Variants in CNTNAP2 observed in about 807,000 individuals in gnomAD.
The protein encoded by CNTNAP2 is contactin-associated protein-like 2.
In CNTNAP2, 98 loss-of-function variants were observed where a neutral mutation model predicts 155.2. The ratio of observed to expected loss-of-function variants is 0.63; its 90% CI spans 0.54 to 0.75. The LOEUF (loss-of-function observed/expected upper bound fraction) is 0.75, where lower values mean the gene tolerates loss of function less well. Ranked by LOEUF, CNTNAP2 falls within the 30% of genes least tolerant of loss-of-function variation. The pLI is 0.00. For missense variants in CNTNAP2, 1,727 were observed against 1,688.1 expected (o/e 1.02, Z -0.40); for synonymous variants, 651 against 631.2 (o/e 1.03, Z -0.47).
chr7:147,196,855 G>T (rs1438308400), intron 8 of CNTNAP2, among the ~76,000 whole-genome samples: 2 of 152,094 alleles, frequency 1.3e-5, no homozygotes, highest in African/African-American at 4.8e-5. Context: ...ACTTGGTGGA[G>T]GGTAAAACAC....
chr7:147,746,400 G>A (rs12113689), intron 13 of CNTNAP2, among the ~76,000 whole-genome samples: 11,492 of 152,160 alleles, frequency 0.076, 461 homozygotes, highest in African/African-American at 0.11. Flanking sequence ...CTGAAGGAAC[G>A]AATGAATCAC....
At chr7:147,430,885 A>C (rs1797454128) in intron 10 of CNTNAP2, among the ~76,000 whole-genome samples, 1 of 152,056 alleles carries the variant, frequency 6.6e-6, no homozygotes, top group Non-Finnish European at 1.5e-5. Flanking sequence ...TAACACAGTG[A>C]GACACCGTCT....
chr7:147,401,795 T>C (rs1252444641), intron 10 of CNTNAP2, among the ~76,000 whole-genome samples: 2 of 152,182 alleles, frequency 1.3e-5, no homozygotes, highest in African/African-American at 4.8e-5. Flanking sequence ...CCATGTAAGA[T>C]GTGCCTTGCT....
intron 12 of CNTNAP2, among the ~76,000 whole-genome samples, chr7:147,595,761 C>CA (rs1475942849): frequency 2.6e-5 from 4 of 152,172 alleles, no homozygotes; most frequent in African/African-American, 9.7e-5. Flanking sequence ...AGACCCTCCT[C>CA]AGAAATCGTA....
At chr7:146,484,441 C>A (rs1026611086) in intron 1 of CNTNAP2, among the ~76,000 whole-genome samples, 3 of 152,162 alleles carry the variant, frequency 2.0e-5, no homozygotes, top group African/African-American at 7.2e-5. Flanking sequence ...GATCTACCTC[C>A]TTTAGGTGTG....
chr7:146,227,452 AAAAG>A (rs895434128), intron 1 of CNTNAP2, among the ~76,000 whole-genome samples: 1 of 151,396 alleles, frequency 6.6e-6, no homozygotes, highest in Non-Finnish European at 1.5e-5. Flanking sequence ...AAAAAAAAGA[AAAAG>A]AAAAAAATCT....
At chr7:147,301,592 C>CTGTGTGTG (rs10585570) in intron 9 of CNTNAP2, among the ~76,000 whole-genome samples, 1 of 101,770 alleles carries the variant, frequency 9.8e-6, no homozygotes, top group African/African-American at 3.5e-5. Context: ...CTCTCTCTCT[C>CTGTGTGTG]TGTGTGTGTG....
intron 16 of CNTNAP2, among the ~76,000 whole-genome samples, chr7:148,135,874 G>A (rs1585144880): frequency 1.4e-5 from 1 of 72,034 alleles, no homozygotes; most frequent in Non-Finnish European, 2.7e-5. Flanking sequence ...GGGAGGGGGG[G>A]AAGGGAGGGA....
At chr7:146,821,278 G>A (rs1289937050) in intron 2 of CNTNAP2, among the ~76,000 whole-genome samples, 1 of 152,100 alleles carries the variant, frequency 6.6e-6, no homozygotes, top group Admixed American at 6.6e-5. Flanking sequence ...TTTACATTTT[G>A]GCATGTTTTT....
At chr7:147,023,297 C>G (rs941255190) in intron 3 of CNTNAP2, among the ~76,000 whole-genome samples, 1 of 152,140 alleles carries the variant, frequency 6.6e-6, no homozygotes, top group Non-Finnish European at 1.5e-5. Flanking sequence ...TAAAAAAAAT[C>G]AACTCTGAGG....
chr7:146,642,365 GT>G (rs917631212), intron 1 of CNTNAP2, among the ~76,000 whole-genome samples: 1 of 135,906 alleles, frequency 7.4e-6, no homozygotes, highest in African/African-American at 2.8e-5. Context: ...GTGTCCATGT[GT>G]TCTCATTCTT....
chr7:147,543,968 A>G (rs993143012), intron 11 of CNTNAP2, among the ~76,000 whole-genome samples: 2 of 152,234 alleles, frequency 1.3e-5, no homozygotes, highest in Non-Finnish European at 2.9e-5. Context: ...AGTTTTAAAC[A>G]CAAAGCTACC....
At chr7:146,995,597 C>T (rs1310758574) in intron 3 of CNTNAP2, among the ~76,000 whole-genome samples, 1 of 152,000 alleles carries the variant, frequency 6.6e-6, no homozygotes, top group Non-Finnish European at 1.5e-5. Context: ...TGATATTGAA[C>T]ATTTTTATAT....
At chr7:147,424,989 A>G (rs958260636) in intron 10 of CNTNAP2, among the ~76,000 whole-genome samples, 2 of 152,128 alleles carry the variant, frequency 1.3e-5, no homozygotes, top group African/African-American at 4.8e-5. Context: ...GGACTGCTGC[A>G]ATAACCTTCC....
Position 147,132,662 on chromosome 7 carries a change from T to C in CNTNAP2, c.1348+153T>C, listed in dbSNP as rs73154370. Among the ~76,000 whole-genome samples the C allele has an allele frequency of 1.6e-3, 238 of 152,226 alleles. 1 individual carries two copies. The highest frequency in any genetic ancestry group is 2.4e-3 in the Non-Finnish European group (163 of 68,012). On this transcript the variant is annotated intron_variant, in intron 8 of 23. Transcript: ENST00000361727. Reference sequence around the variant, plus strand: ...CTTACTTGGTTGTAGTGTGTGCTGATTGAATAAAGAAAACTTGGAAAGTTG... The same window carrying C: ...CTTACTTGGTTGTAGTGTGTGCTGACTGAATAAAGAAAACTTGGAAAGTTG...
intron 18 of CNTNAP2, among the ~76,000 whole-genome samples, chr7:148,180,973 C>G (rs1434050601): frequency 6.6e-6 from 1 of 152,146 alleles, no homozygotes; most frequent in Non-Finnish European, 1.5e-5. Flanking sequence ...AGAACAAAAA[C>G]AGAGAAAAGG....
At chr7:147,578,670 G>A (rs1410056171) in intron 12 of CNTNAP2, among the ~76,000 whole-genome samples, 3 of 151,782 alleles carry the variant, frequency 2.0e-5, no homozygotes, top group African/African-American at 7.3e-5. Context: ...CTACCATAGT[G>A]GAAAATTATT....
chr7:147,203,325 A>C (rs948171140), intron 8 of CNTNAP2, among the ~76,000 whole-genome samples: 1 of 152,040 alleles, frequency 6.6e-6, no homozygotes, highest in Admixed American at 6.5e-5. Context: ...GCTCACTGCA[A>C]ACTCGGCCTC....
chr7:147,494,019 G>GA (rs1349169785), intron 11 of CNTNAP2, among the ~76,000 whole-genome samples: 11 of 152,260 alleles, frequency 7.2e-5, no homozygotes, highest in African/African-American at 2.4e-4. Context: ...TTCTCTAGAG[G>GA]AAAAGCTCGC....
Sources: gnomAD v4.1 joint callset for allele counts (sites outside exome capture counted in the v4.1 genomes callset) on GRCh38, gnomAD v4.1.1 for gene constraint, MANE v1.5 for transcripts, NCBI Gene and HGNC (gene_info 2026-07-23, HGNC 2026-07-21) for gene names.